UBE2D2: variants seen among roughly 807,000 people sequenced by gnomAD.
The protein encoded by UBE2D2 is ubiquitin conjugating enzyme E2 D2, also known as ubiquitin-conjugating enzyme E2 D2.
Under a neutral mutation model 24.2 loss-of-function variants are expected in UBE2D2, and 2 were observed. The ratio of observed to expected loss-of-function variants is 0.08; its 90% confidence interval spans 0.03 to 0.26. UBE2D2 has a LOEUF of 0.26. UBE2D2 is among the 10% of genes least tolerant of loss of function. The pLI is 1.00. For synonymous variants in UBE2D2, 58 were observed against 56.5 expected, an observed-to-expected ratio of 1.03 and a Z score of -0.12; for missense variants, 44 against 177.6, an observed-to-expected ratio of 0.25 and a Z score of 4.28.
At chr5:139,611,707 C>T (rs1422922838) in intron 2 of UBE2D2, among the ~76,000 whole-genome samples, 2 of 152,102 alleles carry the variant, frequency 1.3e-5, no homozygotes, top group Non-Finnish European at 2.9e-5. Context: ...AAAAAATTTA[C>T]AGGTATGTTT....
chr5:139,616,088 C>T (rs1754414288), intron 5 of UBE2D2, among the ~76,000 whole-genome samples: 1 of 149,870 alleles, frequency 6.7e-6, no homozygotes. Flanking sequence ...CCTGCCTCGG[C>T]CTCCCAAAGC....
intron 1 of UBE2D2, among the ~76,000 whole-genome samples, chr5:139,596,468 A>AT (rs1753962121): frequency 7.3e-5 from 11 of 150,594 alleles, no homozygotes; most frequent in Admixed American, 4.6e-4. Flanking sequence ...TAATTTTTGT[A>AT]TTTTTTTTAG....
chr5:139,573,191 A>G (rs1753391608), intron 1 of UBE2D2, among the ~76,000 whole-genome samples: 1 of 151,456 alleles, frequency 6.6e-6, no homozygotes, highest in Non-Finnish European at 1.5e-5. Flanking sequence ...AGTCCCAGCT[A>G]CTCAGGAGGC....
intron 1 of UBE2D2, among the ~76,000 whole-genome samples, chr5:139,550,676 C>G (rs1351201275): frequency 6.7e-6 from 1 of 149,982 alleles, no homozygotes; most frequent in African/African-American, 2.5e-5. Flanking sequence ...GCTCTGCAGC[C>G]TCAATCCTGA....
At chr5:139,557,406 C>G (rs1752994129), upstream of UBE2D2, among the ~76,000 whole-genome samples, 1 of 151,914 alleles carries the variant, frequency 6.6e-6, no homozygotes, top group Admixed American at 6.6e-5. Flanking sequence ...AAGTGCTGAA[C>G]CTTGATATGA....
intron 1 of UBE2D2, among the ~76,000 whole-genome samples, chr5:139,533,439 G>T (rs1190105332): frequency 6.6e-6 from 1 of 151,940 alleles, no homozygotes; most frequent in Non-Finnish European, 1.5e-5. Context: ...ATCACCTGAG[G>T]TCAGGAGTTC....
chr5:139,589,263 AG>A (rs1012921853), intron 1 of UBE2D2, among the ~76,000 whole-genome samples: 36 of 152,120 alleles, frequency 2.4e-4, no homozygotes, highest in Non-Finnish European at 4.4e-4. Flanking sequence ...TGTCTCTTAA[AG>A]AAAAAAAAAA....
chr5:139,554,407 T>G (rs549562621), intron 1 of UBE2D2, among the ~76,000 whole-genome samples: 1 of 152,336 alleles, frequency 6.6e-6, no homozygotes. Context: ...TCGTTTTGTC[T>G]GTTTTTGAAC....
chr5:139,624,982 C>T (rs1243133497), intron 6 of UBE2D2, among the ~76,000 whole-genome samples: 1 of 152,034 alleles, frequency 6.6e-6, no homozygotes, highest in Non-Finnish European at 1.5e-5. Flanking sequence ...AAGTCATTTC[C>T]CAAGTCATCA....
At chr5:139,548,184 T>TAAAAAAAAAAAAAAAAA (rs1420608616) in intron 1 of UBE2D2, among the ~76,000 whole-genome samples, 1 of 46,884 alleles carries the variant, frequency 2.1e-5, no homozygotes, top group Non-Finnish European at 3.5e-5. Flanking sequence ...AAAAAAAAAA[T>TAAAAAAAAAAAAAAAAA]AAAAAAAAAA....
chr5:139,576,559 G>A (rs1753474437), intron 1 of UBE2D2, among the ~76,000 whole-genome samples: 1 of 151,978 alleles, frequency 6.6e-6, no homozygotes, highest in Non-Finnish European at 1.5e-5. Context: ...AGTAGAGATG[G>A]GGTTTCACGT....
chr5:139,597,001 C>T (rs767772076), intron 1 of UBE2D2, among the ~76,000 whole-genome samples: 2 of 151,652 alleles, frequency 1.3e-5, no homozygotes, highest in African/African-American at 2.4e-5. Context: ...GAGCCAAGAT[C>T]GTGCCACTGC....
intron 5 of UBE2D2, among the ~76,000 whole-genome samples, chr5:139,616,124 G>A (rs1227062971): frequency 2.0e-5 from 3 of 146,962 alleles, no homozygotes; most frequent in African/African-American, 2.5e-5. Flanking sequence ...ATGAGCCACC[G>A]TGCCCAGCCA....
chr5:139,546,247 T>C (rs907286516), intron 1 of UBE2D2, among the ~76,000 whole-genome samples: 6 of 151,946 alleles, frequency 3.9e-5, no homozygotes, highest in African/African-American at 1.5e-4. Context: ...ATTCACCATG[T>C]TGGCCAGGCT....
chr5:139,606,083 G>T (rs2126692322), intron 2 of UBE2D2, among the ~76,000 whole-genome samples: 1 of 152,156 alleles, frequency 6.6e-6, no homozygotes, highest in South Asian at 2.1e-4. Flanking sequence ...ACTCTCTTGA[G>T]ATCTGTGCAT....
intron 1 of UBE2D2, among the ~76,000 whole-genome samples, chr5:139,574,723 C>G (rs1480994803): frequency 7.3e-6 from 1 of 137,110 alleles, no homozygotes; most frequent in Non-Finnish European, 1.5e-5. Context: ...ATGCCAATAT[C>G]AGGTGGGGTG....
chr5:139,533,063 G>T (rs562112707), intron 1 of UBE2D2, among the ~76,000 whole-genome samples: 1 of 150,568 alleles, frequency 6.6e-6, no homozygotes, highest in Non-Finnish European at 1.5e-5. Flanking sequence ...AGCTGAGATC[G>T]CGCCACTGGA....
intron 1 of UBE2D2, among the ~76,000 whole-genome samples, chr5:139,588,524 G>T (rs545039394): frequency 1.3e-5 from 2 of 152,172 alleles, no homozygotes; most frequent in African/African-American, 4.8e-5. Context: ...GGTTGTGATA[G>T]TGTAAGCTTT....
chr5:139,618,662 C>T (rs527964893), intron 5 of UBE2D2, among the ~76,000 whole-genome samples: 4 of 152,202 alleles, frequency 2.6e-5, no homozygotes, highest in Middle Eastern at 6.8e-3. Context: ...TTTTGTTCTT[C>T]CCCTTGCCTA....
Sources: allele counts gnomAD v4.1 joint callset (sites outside exome capture counted in the v4.1 genomes callset), GRCh38; gene constraint gnomAD v4.1.1; transcripts MANE v1.5; gene names NCBI Gene and HGNC (gene_info 2026-07-23, HGNC 2026-07-21).